ANK2: variants seen among roughly 807,000 people sequenced by gnomAD.
ANK2 encodes the protein ankyrin 2.
A neutral mutation model predicts 360.5 loss-of-function variants in ANK2; 83 were observed. The observed-to-expected ratio is 0.23, with a 90% confidence interval of 0.19 to 0.28. ANK2 has a LOEUF of 0.28. Among genes scored for constraint, ANK2 ranks in the 10% least tolerant of loss-of-function variants. ANK2 has a pLI of 1.00. For missense variants in ANK2, 4,201 were observed against 4,795.7 expected, an observed-to-expected ratio of 0.88 and a Z score of 3.66; for synonymous variants, 1,740 against 1,759.5, an observed-to-expected ratio of 0.99 and a Z score of 0.28.
upstream of ANK2, among the ~76,000 whole-genome samples, chr4:112,814,040 CA>C (rs1322395312): frequency 6.6e-6 from 1 of 152,094 alleles, no homozygotes; most frequent in African/African-American, 2.4e-5. Flanking sequence ...ATAAAGGAAA[CA>C]AAAGAAGTTT....
chr4:113,049,767 A>G lies in ANK2; in HGVS notation c.39A>G (p.Gly13=), dbSNP rs1282818023. ...NEDAAQKSDS[G]EKFNGSSQRR... ...ATGCAGCTCAGAAAAGCGACAGTGG[A>G]GAGAAGTTCAACGGCAGTAGTCAGA... is the stretch of plus-strand genomic sequence containing the variant. Residue 13 remains glycine, a synonymous_variant, in exon 1 of 46, where the codon GGA becomes GGG. Transcript: ENST00000357077. 1 of 1,613,882 alleles carries G rather than the reference A, an allele frequency of 6.2e-7. No individual in the cohort carries two copies.
chr4:112,847,693 T>G (rs895486185), intron 1 of ANK2, among the ~76,000 whole-genome samples: 1 of 152,136 alleles, frequency 6.6e-6, no homozygotes, highest in African/African-American at 2.4e-5. Context: ...CCCCTTAAAA[T>G]AAAGCCTATA....
intron 1 of ANK2, among the ~76,000 whole-genome samples, chr4:112,892,243 T>A (rs2080247225): frequency 6.6e-6 from 1 of 152,146 alleles, no homozygotes; most frequent in Non-Finnish European, 1.5e-5. Context: ...ACACAAAAAT[T>A]TTATTGGTGT....
Position 112,940,444 on chromosome 4 carries a change from A to ATT in ANK2, c.21+35930_21+35931insTT, listed in dbSNP as rs1292697923. 4.6e-5 allele frequency among the ~76,000 whole-genome samples: 7 copies of ATT among 152,300 alleles called. No homozygotes were observed. The East Asian group carries it at 1.3e-3, about 29-fold the overall frequency. On this transcript the variant is annotated intron_variant, in intron 2 of 30. Coordinates refer to the ANK2 transcript ENST00000503271. Reference sequence around the variant, plus strand: ...ATAAAAGGAGCTAGTGACATTAAAAAATTTGGCTCTATCTGAACACACACA... The same window carrying ATT: ...ATAAAAGGAGCTAGTGACATTAAAAATTATTTGGCTCTATCTGAACACACACA...
At chr4:113,132,018 C>T (rs2096069419) in intron 1 of ANK2, among the ~76,000 whole-genome samples, 1 of 152,040 alleles carries the variant, frequency 6.6e-6, no homozygotes, top group Admixed American at 6.6e-5. Context: ...AAGAGTTTGA[C>T]TGAACAGAGT....
chr4:113,332,522 G>C (rs1021949967), intron 28 of ANK2, among the ~76,000 whole-genome samples: 1 of 152,190 alleles, frequency 6.6e-6, no homozygotes, highest in South Asian at 2.1e-4. Flanking sequence ...CTCAATTAGG[G>C]CCACACTGTG....
At chr4:113,168,889 AAG>A (rs1395241959) in intron 1 of ANK2, among the ~76,000 whole-genome samples, 3 of 152,188 alleles carry the variant, frequency 2.0e-5, no homozygotes, top group South Asian at 4.1e-4. Flanking sequence ...AGATATCACA[AAG>A]AGAGTTCTCT....
intron 2 of ANK2, among the ~76,000 whole-genome samples, chr4:112,924,496 A>C (rs762629460): frequency 6.6e-6 from 1 of 152,198 alleles, no homozygotes; most frequent in Non-Finnish European, 1.5e-5. Context: ...AGCTTTTTAA[A>C]AGCTGACTTA....
intron 2 of ANK2, among the ~76,000 whole-genome samples, chr4:112,910,802 G>T (rs947616910): frequency 6.6e-6 from 1 of 152,058 alleles, no homozygotes; most frequent in Admixed American, 6.5e-5. Context: ...AGATTTTAGA[G>T]GCAATGTTTA....
chr4:112,868,045 C>T (rs2071377772), intron 1 of ANK2, among the ~76,000 whole-genome samples: 1 of 152,134 alleles, frequency 6.6e-6, no homozygotes, highest in African/African-American at 2.4e-5. Flanking sequence ...TCTAATTTCT[C>T]CATATCCTCG....
At chr4:113,096,703 T>G (rs1009641989) in intron 1 of ANK2, among the ~76,000 whole-genome samples, 12 of 152,124 alleles carry the variant, frequency 7.9e-5, no homozygotes, top group Admixed American at 3.3e-4. Context: ...CAACTATTAC[T>G]ATTATTATTA....
intron 1 of ANK2, among the ~76,000 whole-genome samples, chr4:113,158,405 T>C (rs1032689485): frequency 1.3e-5 from 2 of 152,224 alleles, no homozygotes; most frequent in African/African-American, 4.8e-5. Context: ...TTGTCATGAC[T>C]ACATTATTAG....
the ANK2 span, among the ~76,000 whole-genome samples, chr4:112,715,652 T>C: frequency 6.6e-6 from 1 of 152,228 alleles, no homozygotes; most frequent in Non-Finnish European, 1.5e-5. Flanking sequence ...TCCTTTTGAT[T>C]GTTCAGTCGC....
intron 2 of ANK2, among the ~76,000 whole-genome samples, chr4:112,936,406 C>T (rs973098831): frequency 2.6e-5 from 4 of 150,998 alleles, no homozygotes; most frequent in African/African-American, 4.9e-5. Flanking sequence ...AGTGTAGTGG[C>T]GTGATCTCAG....
At chr4:112,835,969 G>C (rs2060902199) in intron 1 of ANK2, among the ~76,000 whole-genome samples, 1 of 152,050 alleles carries the variant, frequency 6.6e-6, no homozygotes, top group Non-Finnish European at 1.5e-5. Flanking sequence ...GTGCCCTGAG[G>C]TTTTTGCTGT....
intron 29 of ANK2, among the ~76,000 whole-genome samples, chr4:113,334,510 G>A (rs2093146025): frequency 6.7e-6 from 1 of 150,000 alleles, no homozygotes; most frequent in Non-Finnish European, 1.5e-5. Context: ...TTTTACATGG[G>A]TATTAATAGA....
chr4:113,185,364 C>T (rs559682180), intron 2 of ANK2, among the ~76,000 whole-genome samples: 14 of 152,362 alleles, frequency 9.2e-5, no homozygotes, highest in African/African-American at 3.1e-4. Flanking sequence ...TCCAAATCCT[C>T]TCCAGCATCT....
At chr4:112,866,884 G>T (rs189775279) in intron 1 of ANK2, among the ~76,000 whole-genome samples, 108 of 152,164 alleles carry the variant, frequency 7.1e-4, no homozygotes, top group Middle Eastern at 3.4e-3. Context: ...TGTCCGACTA[G>T]TTATTTCCTT....
intron 1 of ANK2, among the ~76,000 whole-genome samples, chr4:113,061,289 G>A (rs1561790601): frequency 6.6e-6 from 1 of 152,052 alleles, no homozygotes; most frequent in Non-Finnish European, 1.5e-5. Flanking sequence ...AAAACGCCTT[G>A]ATCAGATAAA....
Sources: gnomAD v4.1 joint callset for allele counts (sites outside exome capture counted in the v4.1 genomes callset) on GRCh38, gnomAD v4.1.1 for gene constraint, MANE v1.5 for transcripts, NCBI Gene and HGNC (gene_info 2026-07-23, HGNC 2026-07-21) for gene names.